Variants in SLC14A2 observed in about 807,000 individuals in gnomAD.
SLC14A2 encodes the protein solute carrier family 14 member 2.
SLC14A2 carries 91 observed loss-of-function variants against 104.6 expected under a neutral mutation model. The observed-to-expected ratio is 0.87, with a 90% CI of 0.73 to 1.04. The LOEUF is 1.04. SLC14A2 is among the 50% of genes least tolerant of loss of function. The pLI is 0.00. For missense variants in SLC14A2, 1,189 were observed against 1,156.0 expected, an observed-to-expected ratio of 1.03 and a Z score of -0.41; for synonymous variants, 476 against 466.4, an observed-to-expected ratio of 1.02 and a Z score of -0.27.
intron 1 of SLC14A2, among the ~76,000 whole-genome samples, chr18:45,459,639 G>A (rs747186818): frequency 3.3e-5 from 5 of 152,144 alleles, no homozygotes; most frequent in African/African-American, 4.8e-5. Context: ...CCCAGTTCCT[G>A]GTGCACCAGC....
intron 2 of SLC14A2, among the ~76,000 whole-genome samples, chr18:45,488,141 T>C (rs2087646385): frequency 6.6e-6 from 1 of 151,978 alleles, no homozygotes; most frequent in Non-Finnish European, 1.5e-5. Flanking sequence ...TAAGGAGAAA[T>C]GAGGTATGGC....
chr18:45,556,735 A>G (rs948809661), intron 2 of SLC14A2, among the ~76,000 whole-genome samples: 1 of 152,174 alleles, frequency 6.6e-6, no homozygotes, highest in Non-Finnish European at 1.5e-5. Context: ...TACCTATGAC[A>G]TTGTATGCAA....
intron 1 of SLC14A2, among the ~76,000 whole-genome samples, chr18:45,328,229 C>T (rs924531425): frequency 2.0e-5 from 3 of 152,166 alleles, no homozygotes; most frequent in Non-Finnish European, 2.9e-5. Context: ...GCATTCTCCT[C>T]CTGAAGGTGC....
the SLC14A2 span, among the ~76,000 whole-genome samples, chr18:45,180,740 A>C: frequency 6.6e-6 from 1 of 152,202 alleles, no homozygotes; most frequent in East Asian, 1.9e-4. Context: ...AGAAATATCA[A>C]CTAAAACTTA....
In SLC14A2 at chr18:45,644,032, T is replaced by C. The variant is rs1273985701; in HGVS notation, c.1223T>C (p.Ile408Thr). The change falls in exon 10 of 20, where the codon ATC becomes ACC. Residue 408 changes from isoleucine to threonine, a missense_variant. Coordinates refer to ENST00000255226, the MANE Select transcript of SLC14A2 (RefSeq NM_007163.4). Reference sequence around the variant, plus strand: ...TGGGCCTTCTGCCTTGCCACCATCATCTTCCTGCTCCTGACGACAAACAAC... The same window carrying C: ...TGGGCCTTCTGCCTTGCCACCATCACCTTCCTGCTCCTGACGACAAACAAC... ...GTWAFCLATI[I>T]FLLLTTNNPA... is the part of the protein sequence containing the mutation. 6.2e-7 allele frequency: 1 copy of C among 1,614,178 alleles called. No homozygotes were observed. The highest frequency in any genetic ancestry group is 1.7e-5 in the Admixed American group (1 of 60,030).
chr18:45,291,394 G>A (rs189926790), intron 1 of SLC14A2, among the ~76,000 whole-genome samples: 4 of 152,238 alleles, frequency 2.6e-5, no homozygotes, highest in African/African-American at 7.2e-5. Context: ...ATGTTATTGG[G>A]AACAGAACAT....
At chr18:45,198,566 T>C in the SLC14A2 span, among the ~76,000 whole-genome samples, 4 of 152,176 alleles carry the variant, frequency 2.6e-5, no homozygotes, top group South Asian at 8.3e-4. Context: ...GTTCTCTATA[T>C]ACTTTTGCTT....
the SLC14A2 span, among the ~76,000 whole-genome samples, chr18:45,169,639 C>A: frequency 6.6e-6 from 1 of 152,146 alleles, no homozygotes; most frequent in Admixed American, 6.6e-5. Flanking sequence ...CTGCCAAAGA[C>A]CATTTCTTCT....
intron 1 of SLC14A2, among the ~76,000 whole-genome samples, chr18:45,395,731 G>A (rs1393449809): frequency 6.6e-6 from 1 of 152,118 alleles, no homozygotes; most frequent in African/African-American, 2.4e-5. Context: ...CTGTATGCCA[G>A]GACTGCCACC....
chr18:45,170,488 A>G, the SLC14A2 span, among the ~76,000 whole-genome samples: 2 of 152,230 alleles, frequency 1.3e-5, no homozygotes, highest in Non-Finnish European at 1.5e-5. Flanking sequence ...ATGTTTGCAC[A>G]TGGACACAAA....
chr18:45,548,963 C>T (rs904013045), intron 2 of SLC14A2, among the ~76,000 whole-genome samples: 9 of 152,168 alleles, frequency 5.9e-5, no homozygotes, highest in Admixed American at 5.2e-4. Context: ...TCCTGTGCAC[C>T]TAGATGAAGG....
chr18:45,340,037 A>C (rs1040333427), intron 1 of SLC14A2, among the ~76,000 whole-genome samples: 1 of 152,250 alleles, frequency 6.6e-6, no homozygotes, highest in Non-Finnish European at 1.5e-5. Context: ...TTACCTGGGC[A>C]CAGAAAAGAG....
At chr18:45,422,923 G>A (rs2086369545) in intron 1 of SLC14A2, among the ~76,000 whole-genome samples, 2 of 152,140 alleles carry the variant, frequency 1.3e-5, no homozygotes, top group African/African-American at 4.8e-5. Context: ...GGCTCCCTCA[G>A]TGCTAATTTC....
the SLC14A2 span, among the ~76,000 whole-genome samples, chr18:45,184,211 A>G: frequency 9.9e-5 from 15 of 152,150 alleles, no homozygotes. Context: ...CTATAGTCAC[A>G]CTGCTATTGT....
chr18:45,384,426 C>T (rs1296718583), intron 1 of SLC14A2, among the ~76,000 whole-genome samples: 4 of 152,186 alleles, frequency 2.6e-5, no homozygotes, highest in South Asian at 4.1e-4. Context: ...AGCTTCCTGG[C>T]TCTAAGATTT....
At chr18:45,319,262 G>A (rs2085161668) in intron 1 of SLC14A2, among the ~76,000 whole-genome samples, 1 of 152,182 alleles carries the variant, frequency 6.6e-6, no homozygotes, top group Non-Finnish European at 1.5e-5. Context: ...ACCCACTCCT[G>A]TGATAGCACT....
chr18:45,391,461 A>G (rs1300190053), intron 1 of SLC14A2, among the ~76,000 whole-genome samples: 1 of 152,226 alleles, frequency 6.6e-6, no homozygotes. Flanking sequence ...TGGCTGGGTC[A>G]AATGGTATTT....
the SLC14A2 span, among the ~76,000 whole-genome samples, chr18:45,189,956 C>T: frequency 6.6e-6 from 1 of 152,180 alleles, no homozygotes; most frequent in East Asian, 1.9e-4. Context: ...ACCTCTTGGC[C>T]CCAGAAGATT....
intron 2 of SLC14A2, chr18:45,507,295 C>T (rs76898644): frequency 0.013 from 2,048 of 152,406 alleles, 22 homozygotes; most frequent in Non-Finnish European, 0.023. Flanking sequence ...CATTGATGAC[C>T]GGCAGAGAAG....
Sources: allele counts gnomAD v4.1 joint callset (sites outside exome capture counted in the v4.1 genomes callset), GRCh38; gene constraint gnomAD v4.1.1; transcripts MANE v1.5; gene names NCBI Gene and HGNC (gene_info 2026-07-23, HGNC 2026-07-21).